CFAP54: variants seen among roughly 807,000 people sequenced by gnomAD.
CFAP54 encodes the protein cilia and flagella associated protein 54.
Under a neutral mutation model 370.4 loss-of-function variants are expected in CFAP54, and 290 were observed. The observed-to-expected ratio is 0.78, with a 90% CI of 0.71 to 0.86. The LOEUF is 0.86. Among genes scored for constraint, CFAP54 ranks in the 40% least tolerant of loss-of-function variants. The pLI, the probability that CFAP54 is intolerant of heterozygous loss-of-function variation, is 0.00. For missense variants in CFAP54, 3,399 were observed against 3,528.7 expected (o/e 0.96, Z 0.93); for synonymous variants, 1,206 against 1,236.5 (o/e 0.98, Z 0.52).
chr12:96,639,182 C>A lies in CFAP54; in HGVS notation c.4317-4996C>A, dbSNP rs149238176. The stretch of plus-strand genomic sequence containing the variant: ...ATCAACAAAACTGATAGACCGATAG[C>A]AAGACTAGTAAAGAAGAAAAGAGAG... On this transcript the variant is annotated intron_variant, in intron 32 of 67. Transcript: ENST00000524981. Among the ~76,000 whole-genome samples the A allele has an allele frequency of 3.0e-3, 459 of 152,036 alleles. 2 individuals are homozygous for A. The highest frequency in any genetic ancestry group is 0.011 in the African/African-American group (444 of 41,450).
chr12:96,634,046 CTTTTTTTTTTTTTT>C (rs71437232), intron 32 of CFAP54, among the ~76,000 whole-genome samples: 2,385 of 56,926 alleles, frequency 0.042, 139 homozygotes, highest in Middle Eastern at 0.1. Flanking sequence ...TAGCGAACAT[CTTTTTTTTTTTTTT>C]TTTTTTTTTT....
intron 60 of CFAP54, among the ~76,000 whole-genome samples, chr12:96,784,507 A>G (rs1958610616): frequency 6.6e-6 from 1 of 151,968 alleles, no homozygotes; most frequent in Admixed American, 6.6e-5. Context: ...GAGTTCATAT[A>G]TATATATATT....
intron 9 of CFAP54, among the ~76,000 whole-genome samples, chr12:96,529,273 G>T (rs1304236331): frequency 6.6e-6 from 1 of 152,136 alleles, no homozygotes; most frequent in Non-Finnish European, 1.5e-5. Flanking sequence ...ATTAAGTTAA[G>T]CTAGTAAATC....
chr12:96,641,690 A>G (rs1956729695), intron 32 of CFAP54, among the ~76,000 whole-genome samples: 1 of 152,216 alleles, frequency 6.6e-6, no homozygotes, highest in Non-Finnish European at 1.5e-5. Context: ...AATGTCCAAC[A>G]ATGATAGACT....
intron 1 of CFAP54, among the ~76,000 whole-genome samples, chr12:96,492,177 A>G (rs554134909): frequency 1.2e-4 from 18 of 152,312 alleles, no homozygotes; most frequent in South Asian, 1.0e-3. Flanking sequence ...TCTGTCTCCA[A>G]TCTATCCTTC....
chr12:96,576,753 G>T lies in CFAP54; in HGVS notation c.2788G>T (p.Glu930Ter), dbSNP rs1372780055. The T allele has an allele frequency of 6.5e-7, 1 of 1,533,700 alleles. No individual in the cohort carries two copies. The highest frequency in any genetic ancestry group is 8.7e-7 in the Non-Finnish European group (1 of 1,146,008). ...ACTCAAACCTGCTCCATTTACTTCA[G>T]AGGTTAAGGTATGGTGTCCAGTAAA... ...VTLKPAPFTS[E>*]VKVSWYCILG... The change falls in exon 20 of 68, where the codon GAG becomes TAG. Residue 930 changes from glutamate to a stop codon, truncating the protein, a stop_gained. Transcript: ENST00000524981. LOFTEE classifies it high-confidence loss of function.
intron 50 of CFAP54, among the ~76,000 whole-genome samples, chr12:96,731,088 C>T (rs1039779443): frequency 1.3e-5 from 2 of 152,186 alleles, no homozygotes; most frequent in African/African-American, 4.8e-5. Context: ...GTGTCGTTCA[C>T]ACTGATGCTG....
At chr12:96,496,118 G>C (rs1261259208) in intron 1 of CFAP54, among the ~76,000 whole-genome samples, 3 of 152,044 alleles carry the variant, frequency 2.0e-5, no homozygotes, top group Admixed American at 6.6e-5. Flanking sequence ...TTATTACTTG[G>C]TATATGCATA....
intron 21 of CFAP54, 54 bp downstream of exon 21, chr12:96,580,743 AT>A (rs1166879112): frequency 1.0e-5 from 13 of 1,251,216 alleles, no homozygotes; most frequent in Non-Finnish European, 1.3e-5. Context: ...TGATAATTAA[AT>A]TTTTAAATGA....
Position 96,641,941 on chromosome 12 carries a change from G to C in CFAP54, c.4317-2237G>C, listed in dbSNP as rs534557500. Among the ~76,000 whole-genome samples, 48 of 147,524 alleles carry C rather than the reference G, an allele frequency of 3.3e-4. No individual in the cohort carries two copies. In the South Asian group the frequency reaches 6.1e-3, roughly 19 times the overall value. ...CGGGGCCTGTTGTGGGGTGGTGCGG[G>C]GGGGGAGGGATAGCATTAGGAGATA... On this transcript the variant is annotated intron_variant, in intron 32 of 67. Coordinates refer to ENST00000524981, the MANE Select transcript of CFAP54 (RefSeq NM_001306084.2).
intron 26 of CFAP54, among the ~76,000 whole-genome samples, chr12:96,615,086 G>A (rs1167517570): frequency 6.6e-6 from 1 of 152,194 alleles, no homozygotes; most frequent in Non-Finnish European, 1.5e-5. Flanking sequence ...AAAGCTGGAG[G>A]CATCACTCTA....
At chr12:96,580,721 T>C in intron 21 of CFAP54, 32 bp downstream of exon 21, 1 of 1,360,590 alleles carries the variant, frequency 7.3e-7, no homozygotes, top group Non-Finnish European at 1.0e-6. Context: ...GAAATCTTAC[T>C]GAAGCCTTTA....
Position 96,783,535 on chromosome 12 carries a change from T to A in CFAP54, c.8282-1182T>A, listed in dbSNP as rs1398914572. Among the ~76,000 whole-genome samples the A allele has an allele frequency of 3.9e-5, 6 of 152,240 alleles. No homozygotes were observed. The East Asian group carries it at 1.2e-3, about 29-fold the overall frequency. ...TCTATATCACCTGGAACCTGTTTGT[T>A]AACTCATTGTACATTTTCAGGATAT... On this transcript the variant is annotated intron_variant, in intron 60 of 67. Transcript: ENST00000524981.
At chr12:96,712,042 A>G (rs972916371) in intron 48 of CFAP54, among the ~76,000 whole-genome samples, 5 of 152,092 alleles carry the variant, frequency 3.3e-5, no homozygotes, top group African/African-American at 1.2e-4. Context: ...TTCATAGATC[A>G]TTTTGTTCTG....
chr12:96,536,876 T>G (rs879566704), intron 12 of CFAP54, among the ~76,000 whole-genome samples: 1 of 152,158 alleles, frequency 6.6e-6, no homozygotes, highest in Non-Finnish European at 1.5e-5. Flanking sequence ...TCCGCCCACC[T>G]CAGCCTCCCA....
intron 19 of CFAP54, among the ~76,000 whole-genome samples, chr12:96,567,307 A>G (rs1270683241): frequency 6.6e-6 from 1 of 152,178 alleles, no homozygotes; most frequent in Non-Finnish European, 1.5e-5. Context: ...CCAGAGAGGA[A>G]GTAAAGATGT....
intron 66 of CFAP54, among the ~76,000 whole-genome samples, chr12:96,844,666 A>G (rs1959287865): frequency 6.6e-6 from 1 of 152,222 alleles, no homozygotes; most frequent in African/African-American, 2.4e-5. Context: ...TACTATTATC[A>G]TCCTTTTTTT....
Position 96,522,190 on chromosome 12 carries a change from G to A in CFAP54, c.1158+1G>A. The A allele has an allele frequency of 6.6e-7, 1 of 1,514,222 alleles. No individual in the cohort carries two copies. 93.8% of individuals were successfully genotyped at this position (1,514,222 alleles called of 1,614,324 possible). A position where few individuals can be genotyped will look rare whatever the true frequency, so the allele number is the denominator to read the frequency against. The stretch of plus-strand genomic sequence containing the variant: ...AATTAACCTAAGGGAAGTACAAACT[G>A]TAAGTCTAAACATGTCTTCTCTCTT... On this transcript the variant is annotated splice_donor_variant, in intron 8 of 67. Transcript: ENST00000524981. LOFTEE classifies it high-confidence loss of function.
intron 39 of CFAP54, among the ~76,000 whole-genome samples, chr12:96,664,739 C>CTATA (rs1433452591): frequency 1.2e-4 from 3 of 25,830 alleles, no homozygotes; most frequent in Non-Finnish European, 2.6e-4. Context: ...ATATATATAT[C>CTATA]TATATATATA....
Sources: gnomAD v4.1 joint callset for allele counts (sites outside exome capture counted in the v4.1 genomes callset) on GRCh38, gnomAD v4.1.1 for gene constraint, MANE v1.5 for transcripts, NCBI Gene and HGNC (gene_info 2026-07-23, HGNC 2026-07-21) for gene names.